The following SCAPER variants were observed in gnomAD, a reference collection of about 807,000 sequenced individuals.
SCAPER encodes S-phase cyclin A associated protein in the ER.
SCAPER carries 98 observed loss-of-function variants against 182.2 expected under a neutral mutation model. The observed-to-expected ratio is 0.54, with a 90% confidence interval of 0.46 to 0.64. The LOEUF is 0.64. Ranked by LOEUF, SCAPER falls within the 30% of genes least tolerant of loss-of-function variation. The probability of loss-of-function intolerance (pLI) is 0.00; values close to 1 mark genes in which losing one functional copy is unlikely to be tolerated. For missense variants in SCAPER, 1,432 were observed against 1,690.0 expected (o/e 0.85, Z 2.68); for synonymous variants, 605 against 564.6 (o/e 1.07, Z -1.01).
At chr15:76,891,404 T>A (rs1287737834) in intron 1 of SCAPER, among the ~76,000 whole-genome samples, 1 of 152,088 alleles carries the variant, frequency 6.6e-6, no homozygotes, top group South Asian at 2.1e-4. Flanking sequence ...ATAACATGAT[T>A]ATATATTTAG....
intron 2 of SCAPER, among the ~76,000 whole-genome samples, chr15:76,873,020 T>C (rs1230421017): frequency 2.1e-5 from 3 of 146,336 alleles, no homozygotes; most frequent in South Asian, 2.1e-4. Context: ...GAGACTAAGG[T>C]GGGAGTATCA....
chr15:76,771,733 A>G lies in SCAPER; in HGVS notation c.1248+9T>C. 1 of 1,607,758 alleles carries G rather than the reference A, an allele frequency of 6.2e-7. No individual in the cohort carries two copies. Among genetic ancestry groups the G allele is most frequent in the East Asian group, 2.2e-5 (1 of 44,792 alleles). On this transcript the variant is annotated intron_variant, in intron 10 of 31. Transcript: ENST00000563290. ...GATAAGTTGTTCTTACCAAGTTAGC[A>G]GCACTCACATTTGAAATATCTGAAG... is the stretch of plus-strand genomic sequence containing the variant.
intron 14 of SCAPER, among the ~76,000 whole-genome samples, chr15:76,761,285 GT>G (rs1239767874): frequency 1.7e-4 from 26 of 151,964 alleles, no homozygotes; most frequent in South Asian, 6.2e-4. Context: ...ACAAACCACC[GT>G]TTTGTTGATT....
chr15:76,608,010 C>G (rs1457107268), intron 22 of SCAPER, among the ~76,000 whole-genome samples: 1 of 152,204 alleles, frequency 6.6e-6, no homozygotes, highest in Non-Finnish European at 1.5e-5. Context: ...GCCTTCTTCT[C>G]TCAACTCGTC....
chr15:76,838,533 C>A (rs1218504321), intron 5 of SCAPER, among the ~76,000 whole-genome samples: 1 of 152,158 alleles, frequency 6.6e-6, no homozygotes, highest in Non-Finnish European at 1.5e-5. Flanking sequence ...TCTACTTGAT[C>A]ACTGAGAACT....
intron 27 of SCAPER, among the ~76,000 whole-genome samples, chr15:76,390,088 C>T (rs977821082): frequency 1.3e-5 from 2 of 152,054 alleles, no homozygotes; most frequent in Non-Finnish European, 2.9e-5. Flanking sequence ...TCCCAAGTAG[C>T]TGGGACTACA....
At chr15:76,568,359 C>T (rs75613414) in intron 23 of SCAPER, among the ~76,000 whole-genome samples, 10,144 of 151,746 alleles carry the variant, frequency 0.067, 378 homozygotes, top group Middle Eastern at 0.11. Flanking sequence ...CTTCCCATAT[C>T]GTTCCCTCTC....
chr15:76,521,494 A>G (rs1290516212), intron 23 of SCAPER, among the ~76,000 whole-genome samples: 1 of 152,132 alleles, frequency 6.6e-6, no homozygotes, highest in Non-Finnish European at 1.5e-5. Context: ...ACCAATTTTC[A>G]TTAGTTAATA....
intron 19 of SCAPER, 46 bp from the exon 20 acceptor site, chr15:76,701,911 G>A: frequency 7.0e-7 from 1 of 1,418,520 alleles, no homozygotes; most frequent in Non-Finnish European, 1.0e-6. Context: ...AACATTATAT[G>A]AATTTTAAAC....
intron 21 of SCAPER, among the ~76,000 whole-genome samples, chr15:76,632,330 C>T (rs922057650): frequency 4.6e-5 from 7 of 152,092 alleles, no homozygotes; most frequent in Non-Finnish European, 7.4e-5. Context: ...GCTGGGACTA[C>T]AGGTGCCTGC....
At chr15:76,547,363 C>A (rs1174572920) in intron 23 of SCAPER, among the ~76,000 whole-genome samples, 1 of 152,200 alleles carries the variant, frequency 6.6e-6, no homozygotes, top group African/African-American at 2.4e-5. Flanking sequence ...AAGGAGCTGA[C>A]TTAAAGATTT....
At chr15:76,634,635 T>C (rs934801886) in intron 21 of SCAPER, among the ~76,000 whole-genome samples, 1 of 152,224 alleles carries the variant, frequency 6.6e-6, no homozygotes, top group African/African-American at 2.4e-5. Context: ...ACGTTTGTAG[T>C]TTCCAACATA....
At chr15:76,785,223 AAC>A (rs2064492494) in intron 8 of SCAPER, among the ~76,000 whole-genome samples, 1 of 152,216 alleles carries the variant, frequency 6.6e-6, no homozygotes, top group Non-Finnish European at 1.5e-5. Context: ...AAAGGATATG[AAC>A]ACAGACACTT....
chr15:76,860,290 G>A (rs138343512), intron 3 of SCAPER, among the ~76,000 whole-genome samples: 99 of 152,136 alleles, frequency 6.5e-4, no homozygotes, highest in African/African-American at 2.2e-3. Flanking sequence ...AAATCATGTT[G>A]ATATGTACTT....
At chr15:76,782,536 A>G (rs1055157141) in intron 8 of SCAPER, among the ~76,000 whole-genome samples, 5 of 152,210 alleles carry the variant, frequency 3.3e-5, no homozygotes, top group African/African-American at 1.2e-4. Flanking sequence ...CCGACCTAAT[A>G]GACATCTACA....
At chr15:76,534,412 A>T (rs576643683) in intron 23 of SCAPER, among the ~76,000 whole-genome samples, 1 of 152,342 alleles carries the variant, frequency 6.6e-6, no homozygotes, top group South Asian at 2.1e-4. Context: ...TGCACCAAAG[A>T]TACGGTCACA....
intron 5 of SCAPER, among the ~76,000 whole-genome samples, chr15:76,840,108 A>G (rs1438947416): frequency 6.6e-6 from 1 of 152,200 alleles, no homozygotes; most frequent in Non-Finnish European, 1.5e-5. Context: ...ATTTTACTTA[A>G]AAATGTTTTT....
chr15:76,670,260 T>C (rs1025297387), intron 20 of SCAPER, among the ~76,000 whole-genome samples: 2 of 152,116 alleles, frequency 1.3e-5, no homozygotes, highest in Admixed American at 1.3e-4. Context: ...ACATTGTTCT[T>C]TGCACATATA....
chr15:76,849,748 T>C (rs1881045316), intron 4 of SCAPER, among the ~76,000 whole-genome samples: 1 of 152,214 alleles, frequency 6.6e-6, no homozygotes. Context: ...TACGCTGCTG[T>C]GTTAGTCCGT....
Sources: allele counts gnomAD v4.1 joint callset (sites outside exome capture counted in the v4.1 genomes callset), GRCh38; gene constraint gnomAD v4.1.1; transcripts MANE v1.5; gene names NCBI Gene and HGNC (gene_info 2026-07-23, HGNC 2026-07-21).